The following L3MBTL4 variants were observed in gnomAD, a reference collection of about 807,000 sequenced individuals.
L3MBTL4 encodes the protein lethal(3)malignant brain tumor-like protein 4.
Under a neutral mutation model 84.5 loss-of-function variants are expected in L3MBTL4, and 70 were observed. The ratio of observed to expected loss-of-function variants is 0.83; its 90% CI spans 0.68 to 1.01. The LOEUF is 1.01. Ranked by LOEUF, L3MBTL4 falls within the 50% of genes least tolerant of loss-of-function variation. The pLI, the probability that L3MBTL4 is intolerant of heterozygous loss-of-function variation, is 0.00. For missense variants in L3MBTL4, 715 were observed against 754.8 expected, an observed-to-expected ratio of 0.95 and a Z score of 0.62; for synonymous variants, 274 against 259.8, an observed-to-expected ratio of 1.05 and a Z score of -0.52.
intron 1 of L3MBTL4, chr18:6,397,892 T>C (rs2055340548): frequency 6.6e-6 from 1 of 150,958 alleles, no homozygotes; most frequent in African/African-American, 2.4e-5. Flanking sequence ...AAAAAATTTC[T>C]TACATCTGAG....
intron 13 of L3MBTL4, among the ~76,000 whole-genome samples, chr18:6,140,573 G>A (rs2060166900): frequency 6.6e-6 from 1 of 152,070 alleles, no homozygotes; most frequent in African/African-American, 2.4e-5. Context: ...CGCCTGCCCA[G>A]CACTTCCCCT....
chr18:6,207,976 G>A (rs1277356768), intron 12 of L3MBTL4, among the ~76,000 whole-genome samples: 19 of 152,020 alleles, frequency 1.2e-4, no homozygotes, highest in Admixed American at 1.2e-3. Context: ...TTAGCTAGGT[G>A]TGGTGGCGCA....
chr18:6,362,757 C>T (rs2053762232), intron 1 of L3MBTL4, among the ~76,000 whole-genome samples: 1 of 152,216 alleles, frequency 6.6e-6, no homozygotes, highest in Non-Finnish European at 1.5e-5. Flanking sequence ...TTACTCAGCA[C>T]TTTCTGTACA....
chr18:6,329,543 G>A (rs763358395), intron 1 of L3MBTL4, among the ~76,000 whole-genome samples: 4 of 152,114 alleles, frequency 2.6e-5, no homozygotes, highest in Non-Finnish European at 4.4e-5. Flanking sequence ...ACATGAAACT[G>A]GGTAATTTAT....
chr18:6,353,565 C>A (rs2053300376), intron 1 of L3MBTL4, among the ~76,000 whole-genome samples: 1 of 151,986 alleles, frequency 6.6e-6, no homozygotes, highest in Non-Finnish European at 1.5e-5. Context: ...ACAAAAAAAT[C>A]TATTAGAAAT....
At chr18:6,390,590 C>T (rs1285238739) in intron 1 of L3MBTL4, among the ~76,000 whole-genome samples, 18 of 151,956 alleles carry the variant, frequency 1.2e-4, no homozygotes, top group Admixed American at 5.9e-4. Context: ...GCTATATTAA[C>T]CAAGAAAAGA....
intron 16 of L3MBTL4, among the ~76,000 whole-genome samples, chr18:6,071,720 AG>A: frequency 8.7e-6 from 1 of 115,086 alleles, no homozygotes; most frequent in East Asian, 3.0e-4. Context: ...AAAGAAGGAA[AG>A]AAAGAAGGAA....
rs188373115 is a variant in L3MBTL4, at chr18:6,375,096, G to A, written c.-91+39705C>T. 1.6e-3 allele frequency among the ~76,000 whole-genome samples: 251 copies of A among 152,170 alleles called. 3 individuals carry two copies. The highest frequency in any genetic ancestry group is 5.6e-4 in the Non-Finnish European group (38 of 68,022). On this transcript the variant is annotated intron_variant, in intron 1 of 18. Coordinates refer to ENST00000317931, the MANE Select transcript of L3MBTL4 (RefSeq NM_001330559.2). The stretch of plus-strand genomic sequence containing the variant: ...TCTGATCTGCAGAATTAATTCAGAC[G>A]TCCACACAGGAACTGCAAACCCTGA...
At chr18:6,212,363 A>G (rs547977794) in intron 12 of L3MBTL4, among the ~76,000 whole-genome samples, 36 of 152,206 alleles carry the variant, frequency 2.4e-4, no homozygotes, top group Admixed American at 3.9e-4. Context: ...TCGAACCTAA[A>G]TCTATCTTTT....
chr18:6,134,394 T>G (rs2059967985), intron 14 of L3MBTL4, among the ~76,000 whole-genome samples: 1 of 152,102 alleles, frequency 6.6e-6, no homozygotes, highest in South Asian at 2.1e-4. Flanking sequence ...TTCCCAACAG[T>G]TCCCCAAAGT....
intron 16 of L3MBTL4, among the ~76,000 whole-genome samples, chr18:6,071,791 AAG>A (rs1211592235): frequency 1.4e-3 from 198 of 145,836 alleles, no homozygotes; most frequent in African/African-American, 5.0e-3. Flanking sequence ...GAAAGAAAGA[AAG>A]AAAGAAAGAA....
chr18:6,093,085 C>A (rs895086747), intron 15 of L3MBTL4, among the ~76,000 whole-genome samples: 1 of 151,976 alleles, frequency 6.6e-6, no homozygotes, highest in African/African-American at 2.4e-5. Flanking sequence ...TGGAATGGTA[C>A]AAATGAGATA....
intron 1 of L3MBTL4, among the ~76,000 whole-genome samples, chr18:6,333,593 T>G (rs1267643964): frequency 2.7e-5 from 4 of 148,606 alleles, no homozygotes; most frequent in Non-Finnish European, 6.0e-5. Flanking sequence ...AAAAAAAACC[T>G]AATTGTTTAT....
chr18:6,345,906 A>G (rs1172993981), intron 1 of L3MBTL4, among the ~76,000 whole-genome samples: 9 of 151,984 alleles, frequency 5.9e-5, no homozygotes, highest in Non-Finnish European at 1.0e-4. Context: ...AGGCATCACA[A>G]TTCCTATTTC....
intron 1 of L3MBTL4, among the ~76,000 whole-genome samples, chr18:6,371,783 T>G (rs2054170876): frequency 6.6e-6 from 1 of 152,246 alleles, no homozygotes; most frequent in Non-Finnish European, 1.5e-5. Context: ...TAATTTGATC[T>G]TGTTCTTGGT....
At chr18:5,980,850 G>A (rs143145575) in intron 16 of L3MBTL4, among the ~76,000 whole-genome samples, 5 of 152,308 alleles carry the variant, frequency 3.3e-5, no homozygotes, top group African/African-American at 1.2e-4. Flanking sequence ...TTGCAGAGAA[G>A]CCAGAAGCAG....
intron 17 of L3MBTL4, among the ~76,000 whole-genome samples, chr18:5,962,022 G>T (rs1355377973): frequency 6.6e-6 from 1 of 152,300 alleles, no homozygotes; most frequent in East Asian, 1.9e-4. Context: ...TATGTGTGAG[G>T]CCTCATGCTG....
chr18:6,387,818 A>T (rs1400722664), intron 1 of L3MBTL4, among the ~76,000 whole-genome samples: 1 of 152,376 alleles, frequency 6.6e-6, no homozygotes, highest in Admixed American at 6.5e-5. Context: ...GCTGTCAAAA[A>T]TTTGTGGGAA....
At chr18:6,010,095 T>A (rs1489849231) in intron 16 of L3MBTL4, among the ~76,000 whole-genome samples, 2 of 152,194 alleles carry the variant, frequency 1.3e-5, no homozygotes, top group African/African-American at 4.8e-5. Flanking sequence ...TGCTTTTAAA[T>A]TCTAGTTTTG....
Sources: gnomAD v4.1 joint callset for allele counts (sites outside exome capture counted in the v4.1 genomes callset) on GRCh38, gnomAD v4.1.1 for gene constraint, MANE v1.5 for transcripts, NCBI Gene and HGNC (gene_info 2026-07-23, HGNC 2026-07-21) for gene names.